The following EPSTI1 variants were observed in gnomAD, a reference collection of about 807,000 sequenced individuals.
EPSTI1 encodes epithelial stromal interaction 1.
Under a neutral mutation model 49.9 loss-of-function variants are expected in EPSTI1, and 66 were observed. The ratio of observed to expected loss-of-function variants is 1.32; its 90% CI spans 1.08 to 1.62. EPSTI1 has a LOEUF of 1.62. Ranked by LOEUF, EPSTI1 falls within the 40% of genes most tolerant of loss-of-function variation. The probability of loss-of-function intolerance (pLI) is 0.00; values close to 1 mark genes in which losing one functional copy is unlikely to be tolerated. For missense variants in EPSTI1, 394 were observed against 365.5 expected (o/e 1.08, Z -0.64); for synonymous variants, 137 against 130.7 (o/e 1.05, Z -0.33).
At chr13:42,892,940 A>G (rs2037080650) in intron 10 of EPSTI1, among the ~76,000 whole-genome samples, 1 of 152,190 alleles carries the variant, frequency 6.6e-6, no homozygotes, top group Non-Finnish European at 1.5e-5. Flanking sequence ...TAAGTAAAGA[A>G]ACAGTTTCAA....
At chr13:42,902,165 C>G (rs1322769291) in intron 8 of EPSTI1, among the ~76,000 whole-genome samples, 1 of 152,100 alleles carries the variant, frequency 6.6e-6, no homozygotes, top group Non-Finnish European at 1.5e-5. Context: ...ATTGATGTCT[C>G]TATTACTACC....
intron 9 of EPSTI1, among the ~76,000 whole-genome samples, chr13:42,898,255 T>G (rs2037253312): frequency 6.6e-6 from 1 of 152,214 alleles, no homozygotes; most frequent in Non-Finnish European, 1.5e-5. Context: ...AAATTGTGCC[T>G]TTGGAGAAAA....
At chr13:42,904,661 C>T (rs367895702) in intron 8 of EPSTI1, among the ~76,000 whole-genome samples, 4 of 152,056 alleles carry the variant, frequency 2.6e-5, no homozygotes, top group African/African-American at 7.2e-5. Flanking sequence ...AGACCATCAG[C>T]GCAATGGAAT....
intron 9 of EPSTI1, 149 bp downstream of exon 9, chr13:42,900,161 C>A: frequency 4.4e-6 from 3 of 687,058 alleles, no homozygotes; most frequent in East Asian, 2.9e-5. Flanking sequence ...CATACCTCTA[C>A]ATATATCACG....
Position 42,886,724 on chromosome 13 carries a change from A to G in EPSTI1, c.*1770T>C, listed in dbSNP as rs1472583584. On this transcript the variant is annotated 3_prime_UTR_variant, in exon 11 of 11. Transcript: ENST00000313624. ...ATATTTGGTTAAGCAAGATGTTTAT[A>G]CCCCCACACATATTCTAGATAGTTC... 3 of 152,096 alleles carry G rather than the reference A, an allele frequency of 2.0e-5. No individual in the cohort carries two copies. Among genetic ancestry groups the G allele is most frequent in the Admixed American group, 1.3e-4 (2 of 15,256 alleles). The allele number at this position is 152,096 out of a possible 1,614,324, so 9.4% of individuals were successfully genotyped here.
In EPSTI1 at chr13:42,892,396, G is replaced by A. The variant is rs556931304; in HGVS notation, c.915+2613C>T. 3.0e-4 allele frequency among the ~76,000 whole-genome samples: 45 copies of A among 152,332 alleles called. 1 individual carries two copies. In the South Asian group the frequency reaches 9.1e-3, roughly 31 times the overall value. On this transcript the variant is annotated intron_variant, in intron 10 of 10. Coordinates refer to ENST00000313624, the MANE Select transcript of EPSTI1 (RefSeq NM_033255.5). Reference sequence around the variant, plus strand: ...GGATGAGCACTGAGAGAGGCTGGAAGCAGGATAATGATGATAAGGGTGGTG... The same window carrying A: ...GGATGAGCACTGAGAGAGGCTGGAAACAGGATAATGATGATAAGGGTGGTG...
chr13:42,970,656 G>C lies in EPSTI1; in HGVS notation c.203C>G (p.Thr68Ser), dbSNP rs940592219. ...HAGQRRTSAY[T>S]LIAPNINRRN... is the part of the protein sequence containing the mutation. ...CCGGTTTATATTTGGTGCTATCAAGGTGTATGCACTTGTGCTAAAAGGAAG... is the reference window on the plus strand; with the variant it reads ...CCGGTTTATATTTGGTGCTATCAAGCTGTATGCACTTGTGCTAAAAGGAAG... Residue 68 changes from threonine (T) to serine (S), a missense_variant, in exon 2 of 11, where the codon ACC (threonine) becomes AGC (serine). Physicochemically the swap from Thr to Ser is moderately conservative, Grantham distance 58. Coordinates refer to ENST00000313624, the MANE Select transcript of EPSTI1 (RefSeq NM_033255.5). 1.9e-6 allele frequency: 3 copies of C among 1,608,428 alleles called. No individual in the cohort carries two copies. Among genetic ancestry groups the C allele is most frequent in the African/African-American group, 2.7e-5 (2 of 74,480 alleles).
chr13:42,895,071 T>G lies in EPSTI1; in HGVS notation c.853A>C (p.Ser285Arg). ...GATTGCTCGAGGCCACCTGGTTGACTTTTGCCTTGGAGTCGGTCCAGAAAA... is the reference window on the plus strand; with the variant it reads ...GATTGCTCGAGGCCACCTGGTTGACGTTTGCCTTGGAGTCGGTCCAGAAAA... ...NAFLDRLQGK[S>R]QPGGLEQSGG... The change falls in exon 10 of 11, where the codon AGT becomes CGT. Residue 285 changes from serine (S) to arginine (R), a missense_variant. Transcript: ENST00000313624. 1.2e-6 allele frequency: 2 copies of G among 1,613,498 alleles called. No individual in the cohort carries two copies. Among genetic ancestry groups the G allele is most frequent in the Non-Finnish European group, 1.7e-6 (2 of 1,179,646 alleles).
intron 8 of EPSTI1, among the ~76,000 whole-genome samples, chr13:42,912,161 A>G (rs1170823096): frequency 6.6e-6 from 1 of 152,246 alleles, no homozygotes; most frequent in East Asian, 1.9e-4. Context: ...AAGTTTCTGA[A>G]AGAGAGAAAG....
chr13:42,948,630 C>T (rs545999761), intron 6 of EPSTI1, among the ~76,000 whole-genome samples: 26 of 151,944 alleles, frequency 1.7e-4, no homozygotes, highest in African/African-American at 6.0e-4. Flanking sequence ...GCATGCACCA[C>T]CACTCCCAGC....
At chr13:42,936,369 T>G (rs1330803233) in intron 6 of EPSTI1, among the ~76,000 whole-genome samples, 1 of 152,236 alleles carries the variant, frequency 6.6e-6, no homozygotes, top group Non-Finnish European at 1.5e-5. Context: ...CATTTACTCG[T>G]AAGTCCAATT....
At chr13:42,971,213 G>A (rs976068316) in intron 1 of EPSTI1, among the ~76,000 whole-genome samples, 6 of 152,178 alleles carry the variant, frequency 3.9e-5, no homozygotes, top group Non-Finnish European at 7.3e-5. Flanking sequence ...GCTCGGAGAA[G>A]CAAGGAGTCA....
intron 6 of EPSTI1, among the ~76,000 whole-genome samples, chr13:42,931,754 AAT>A (rs1042020496): frequency 7.2e-5 from 11 of 152,174 alleles, no homozygotes; most frequent in African/African-American, 2.7e-4. Context: ...CATATTTATA[AAT>A]ATATATCTTA....
At chr13:42,916,207 T>C (rs1463663720) in intron 8 of EPSTI1, among the ~76,000 whole-genome samples, 1 of 151,660 alleles carries the variant, frequency 6.6e-6, no homozygotes, top group Non-Finnish European at 1.5e-5. Flanking sequence ...AATCTTACCA[T>C]AACATTGCCT....
chr13:42,895,022 C>T lies in EPSTI1; in HGVS notation c.902G>A (p.Ser301Asn), dbSNP rs778490764. The T allele has an allele frequency of 1.2e-6, 2 of 1,612,240 alleles. No individual in the cohort carries two copies. The change falls in exon 10 of 11, where the codon AGC (serine) becomes AAC (asparagine). Residue 301 changes from serine (S) to asparagine (N), a missense_variant. Coordinates refer to ENST00000313624, the MANE Select transcript of EPSTI1 (RefSeq NM_033255.5). Reference sequence around the variant, plus strand: ...GAAAAAACTCACCCAGCTGTTACCGCTATTCATATTCCAACAGCCTCCAGA... The same window carrying T: ...GAAAAAACTCACCCAGCTGTTACCGTTATTCATATTCCAACAGCCTCCAGA... The part of the protein sequence containing the change: ...EQSGGCWNMN[S>N]GNSWGI
chr13:42,992,049 G>A lies in EPSTI1; in HGVS notation c.117C>T (p.Asp39=). The change falls in exon 1 of 11, where the codon GAC becomes GAT. Residue 39 remains aspartate (D), a synonymous_variant. Transcript: ENST00000313624. ...GRQGELSPVE[D]QREGLEAAPK... ...GGGCTGCCTCCAAACCCTCTCTCTG[G>A]TCTTCCACGGGGCTCAGCTCCCCTT... is the stretch of plus-strand genomic sequence containing the variant. The A allele has an allele frequency of 6.2e-7, 1 of 1,613,468 alleles. No individual in the cohort carries two copies. The highest frequency in any genetic ancestry group is 8.5e-7 in the Non-Finnish European group (1 of 1,180,032).
intron 9 of EPSTI1, among the ~76,000 whole-genome samples, chr13:42,899,514 T>A (rs2037294465): frequency 6.6e-6 from 1 of 152,170 alleles, no homozygotes; most frequent in Non-Finnish European, 1.5e-5. Flanking sequence ...TTTTAAAGTC[T>A]CTCATTTAGA....
chr13:42,899,207 AAAAG>A (rs1217664294), intron 9 of EPSTI1, among the ~76,000 whole-genome samples: 1 of 151,936 alleles, frequency 6.6e-6, no homozygotes, highest in African/African-American at 2.4e-5. Context: ...CAAAAAAAAA[AAAAG>A]AAAAAAGAGA....
rs944629816 is a variant in EPSTI1 at position 42,969,248 on chromosome 13, T to C, written c.248-71A>G. 1.0e-5 allele frequency: 15 copies of C among 1,455,212 alleles called. No homozygotes were observed. The African/African-American group carries it at 1.8e-4, about 18-fold the overall frequency. 90.1% of individuals were successfully genotyped at this position (1,455,212 alleles called of 1,614,324 possible). The stretch of plus-strand genomic sequence containing the variant: ...AAAGAAAACCAGTCCCTTCAAAGCA[T>C]AAGAAACAACTATTAGAAGGCAATT... On this transcript the variant is annotated intron_variant, in intron 2 of 10. Coordinates refer to ENST00000313624, the MANE Select transcript of EPSTI1 (RefSeq NM_033255.5).
Sources: allele counts gnomAD v4.1 joint callset (sites outside exome capture counted in the v4.1 genomes callset), GRCh38; gene constraint gnomAD v4.1.1; transcripts MANE v1.5; gene names NCBI Gene and HGNC (gene_info 2026-07-23, HGNC 2026-07-21).